LRBA: variants seen among roughly 807,000 people sequenced by gnomAD.
The protein encoded by LRBA is LPS responsive beige-like anchor protein.
LRBA carries 176 observed loss-of-function variants against 330.0 expected under a neutral mutation model. That is an observed-to-expected ratio of 0.53 (90% CI 0.47 to 0.60). The LOEUF (loss-of-function observed/expected upper bound fraction) is 0.60. Among genes scored for constraint, LRBA ranks in the 20% least tolerant of loss-of-function variants. LRBA has a pLI of 0.00. For missense variants in LRBA, 3,259 were observed against 3,444.8 expected, an observed-to-expected ratio of 0.95 and a Z score of 1.35; for synonymous variants, 1,230 against 1,193.0, an observed-to-expected ratio of 1.03 and a Z score of -0.64.
chr4:150,936,226 TAAGTC>T (rs1251847544), intron 2 of LRBA, among the ~76,000 whole-genome samples: 2 of 152,114 alleles, frequency 1.3e-5, no homozygotes, highest in South Asian at 2.1e-4. Flanking sequence ...ATAATTGTGT[TAAGTC>T]AAGACAATCT....
chr4:150,905,699 T>A (rs193149731), intron 13 of LRBA, 139 bp downstream of exon 13: 1 of 660,842 alleles, frequency 1.5e-6, no homozygotes, highest in African/African-American at 1.8e-5. Flanking sequence ...TAAAAAAGGA[T>A]GCTTAGTCAA....
rs1367332617 is a variant in LRBA at position 150,955,260 on chromosome 4, C to G, written c.217-26195G>C. On this transcript the variant is annotated intron_variant, in intron 2 of 56. Transcript: ENST00000651943. ...CACTCCAGCCTGACTGAAAGAGTGA[C>G]ACACTATCTCATAAAAGAAAAAGGA... is the stretch of plus-strand genomic sequence containing the variant. Among the ~76,000 whole-genome samples, 2 of 147,456 alleles carry G rather than the reference C, an allele frequency of 1.4e-5. 1 individual carries two copies. The highest frequency in any genetic ancestry group is 5.3e-5 in the African/African-American group (2 of 37,574).
At chr4:150,290,113 A>C (rs1434693944) in intron 53 of LRBA, among the ~76,000 whole-genome samples, 1 of 152,186 alleles carries the variant, frequency 6.6e-6, no homozygotes, top group African/African-American at 2.4e-5. Flanking sequence ...GCCTAGAAAC[A>C]AAATCTTGGA....
intron 40 of LRBA, among the ~76,000 whole-genome samples, chr4:150,564,737 C>T (rs562067442): frequency 1.6e-4 from 24 of 152,268 alleles, no homozygotes; most frequent in African/African-American, 5.8e-4. Context: ...TGAACAGACA[C>T]TTCTCAAAAG....
chr4:150,959,344 T>A (rs1737885955), intron 2 of LRBA, among the ~76,000 whole-genome samples: 1 of 149,154 alleles, frequency 6.7e-6, no homozygotes, highest in Admixed American at 6.6e-5. Context: ...CCCTCCCACA[T>A]GAGACCTACA....
intron 2 of LRBA, among the ~76,000 whole-genome samples, chr4:151,012,459 A>G (rs1306328320): frequency 1.3e-5 from 2 of 152,224 alleles, no homozygotes; most frequent in Non-Finnish European, 2.9e-5. Context: ...CACTGAAGGC[A>G]TATGACATTT....
chr4:150,504,483 C>G (rs569157878), intron 40 of LRBA, among the ~76,000 whole-genome samples: 57 of 152,262 alleles, frequency 3.7e-4, no homozygotes, highest in African/African-American at 1.3e-3. Flanking sequence ...ATTTCATATC[C>G]AGCCAAACTA....
At chr4:150,744,713 A>G (rs1732460689) in intron 35 of LRBA, among the ~76,000 whole-genome samples, 1 of 152,192 alleles carries the variant, frequency 6.6e-6, no homozygotes, top group African/African-American at 2.4e-5. Context: ...CTTGAAACTC[A>G]TATTAACATA....
chr4:150,675,742 A>T (rs565974285), intron 37 of LRBA, among the ~76,000 whole-genome samples: 1 of 151,610 alleles, frequency 6.6e-6, no homozygotes, highest in African/African-American at 2.4e-5. Flanking sequence ...TTAATTAAAT[A>T]ATTAATTAAA....
intron 44 of LRBA, among the ~76,000 whole-genome samples, chr4:150,455,281 G>C (rs922115870): frequency 6.6e-6 from 1 of 151,682 alleles, no homozygotes; most frequent in Non-Finnish European, 1.5e-5. Flanking sequence ...CCCATTACTG[G>C]GTATATACCC....
chr4:150,804,707 A>G (rs1035929775), intron 33 of LRBA, among the ~76,000 whole-genome samples: 1 of 152,212 alleles, frequency 6.6e-6, no homozygotes, highest in Admixed American at 6.5e-5. Flanking sequence ...ACCATCAATC[A>G]CGGGCCCAAA....
intron 30 of LRBA, among the ~76,000 whole-genome samples, chr4:150,819,186 T>C (rs1182093228): frequency 6.6e-6 from 1 of 151,206 alleles, no homozygotes; most frequent in African/African-American, 2.4e-5. Flanking sequence ...ATATACTTTA[T>C]GGGTTTTTTT....
chr4:150,557,162 T>TA (rs1297592025), intron 40 of LRBA, among the ~76,000 whole-genome samples: 13 of 151,810 alleles, frequency 8.6e-5, no homozygotes, highest in East Asian at 1.9e-4. Context: ...AAGGGGTAAG[T>TA]AAAAAAAACA....
At chr4:150,809,061 T>C (rs1483945452) in intron 31 of LRBA, among the ~76,000 whole-genome samples, 1 of 152,186 alleles carries the variant, frequency 6.6e-6, no homozygotes, top group Non-Finnish European at 1.5e-5. Flanking sequence ...GGAGGTTGTG[T>C]TGGCCCAGAG....
chr4:150,877,567 C>A (rs1754189290), intron 17 of LRBA, among the ~76,000 whole-genome samples: 1 of 152,170 alleles, frequency 6.6e-6, no homozygotes, highest in Admixed American at 6.5e-5. Flanking sequence ...CTTAGACAGT[C>A]ACACAATATT....
chr4:150,356,579 T>A (rs1245612214), intron 47 of LRBA, among the ~76,000 whole-genome samples: 3 of 151,968 alleles, frequency 2.0e-5, no homozygotes, highest in Non-Finnish European at 4.4e-5. Flanking sequence ...TCACAGAAAA[T>A]TAACATTTTT....
intron 2 of LRBA, among the ~76,000 whole-genome samples, chr4:150,950,739 T>C (rs1279912139): frequency 6.6e-6 from 1 of 152,190 alleles, no homozygotes; most frequent in African/African-American, 2.4e-5. Context: ...TTTGTCTGTA[T>C]TGTATTTACT....
intron 29 of LRBA, among the ~76,000 whole-genome samples, chr4:150,829,931 C>T (rs1163620898): frequency 6.6e-6 from 1 of 152,150 alleles, no homozygotes; most frequent in Non-Finnish European, 1.5e-5. Context: ...ACCTTGTAAT[C>T]ATTTTTGACT....
chr4:150,472,966 AAT>A (rs1756318632), intron 42 of LRBA, among the ~76,000 whole-genome samples: 1 of 152,100 alleles, frequency 6.6e-6, no homozygotes, highest in South Asian at 2.1e-4. Flanking sequence ...TTTATATGAA[AAT>A]ATGTTTTGAT....
Sources: gnomAD v4.1 joint callset for allele counts (sites outside exome capture counted in the v4.1 genomes callset) on GRCh38, gnomAD v4.1.1 for gene constraint, MANE v1.5 for transcripts, NCBI Gene and HGNC (gene_info 2026-07-23, HGNC 2026-07-21) for gene names.